Variants in MEGF6 observed in about 807,000 individuals in gnomAD.
MEGF6 encodes multiple EGF like domains 6.
Under a neutral mutation model 207.1 loss-of-function variants are expected in MEGF6, and 184 were observed. The ratio of observed to expected loss-of-function variants is 0.89; its 90% CI spans 0.79 to 1.00. MEGF6 has a LOEUF of 1.00. Ranked by LOEUF, MEGF6 falls within the 50% of genes least tolerant of loss-of-function variation. MEGF6 has a pLI of 0.00. For synonymous variants in MEGF6, 1,038 were observed against 910.0 expected (o/e 1.14, Z -2.53); for missense variants, 2,282 against 2,202.9 (o/e 1.04, Z -0.72).
chr1:3,501,312 G>T lies in MEGF6; in HGVS notation c.2315-4C>A, dbSNP rs774317838. The T allele has an allele frequency of 6.9e-6, 11 of 1,594,324 alleles. No homozygotes were observed. The highest frequency in any genetic ancestry group is 3.4e-5 in the Admixed American group (2 of 57,972). On this transcript the variant is annotated splice_region_variant and splice_polypyrimidine_tract_variant and intron_variant, in intron 18 of 36. Transcript: ENST00000356575. ...CCCCAGCGGCCCTCGGGACAATCTA[G>T]TGCCCACCCCCATGGCCAGTCAGTG... is the stretch of plus-strand genomic sequence containing the variant.
chr1:3,499,278 G>A lies in MEGF6; in HGVS notation c.2966-12C>T. The A allele has an allele frequency of 6.2e-7, 1 of 1,600,290 alleles. No homozygotes were observed. Among genetic ancestry groups the A allele is most frequent in the Middle Eastern group, 2.0e-4 (1 of 5,006 alleles). On this transcript the variant is annotated splice_polypyrimidine_tract_variant and intron_variant, in intron 23 of 36. Coordinates refer to ENST00000356575, the MANE Select transcript of MEGF6 (RefSeq NM_001409.4). ...GTGGGCTGGGCAGGCTGCAGGTGGA[G>A]AGGGCTGGTCAGAGCCAGGGGTGGG...
chr1:3,530,763 A>G (rs1246954345), intron 4 of MEGF6, among the ~76,000 whole-genome samples: 3 of 152,238 alleles, frequency 2.0e-5, no homozygotes, highest in Non-Finnish European at 4.4e-5. Context: ...TGACCCGCAG[A>G]GTCGCCAGTG....
chr1:3,547,825 T>TC (rs940040935), intron 4 of MEGF6, among the ~76,000 whole-genome samples: 3 of 151,972 alleles, frequency 2.0e-5, no homozygotes, highest in African/African-American at 7.3e-5. Flanking sequence ...CAGCAGGACT[T>TC]CCCCCGGGAC....
intron 4 of MEGF6, among the ~76,000 whole-genome samples, chr1:3,541,238 G>A (rs1006384049): frequency 6.6e-6 from 1 of 152,232 alleles, no homozygotes; most frequent in Non-Finnish European, 1.5e-5. Flanking sequence ...ACAGAGCGGG[G>A]CTGCCGCCCA....
In MEGF6 at chr1:3,556,820, T is replaced by C. The variant is rs1643046274; in HGVS notation, c.481+23005A>G. ...CCACACGCGCTCACAGACCGGAGAATGTTAAAAACTGCCGAGCCTGCCGGG... is the reference window on the plus strand; with the variant it reads ...CCACACGCGCTCACAGACCGGAGAACGTTAAAAACTGCCGAGCCTGCCGGG... On this transcript the variant is annotated intron_variant, in intron 4 of 36. Coordinates refer to ENST00000356575, the MANE Select transcript of MEGF6 (RefSeq NM_001409.4). The surrounding 1 kb of genome is among the most constrained non-coding windows in gnomAD (Gnocchi z 4.4). 6.6e-6 allele frequency among the ~76,000 whole-genome samples: 1 copy of C among 152,124 alleles called. No homozygotes were observed. The highest frequency in any genetic ancestry group is 2.1e-4 in the South Asian group (1 of 4,824).
intron 4 of MEGF6, among the ~76,000 whole-genome samples, chr1:3,543,351 C>T (rs573657432): frequency 1.2e-4 from 19 of 152,362 alleles, no homozygotes; most frequent in South Asian, 4.1e-4. Context: ...CTCTGAGCAG[C>T]CCGAACCCTG....
rs112803145 is a variant in MEGF6 at position 3,508,589 on chromosome 1, G to A, written c.1629C>T (p.Pro543=). ...TGCAGATGAGCCCAGTCCAGCCCTC[G>A]GGGCAATCACAGCCATCCAGGCCCA... is the stretch of plus-strand genomic sequence containing the variant. ...CLLGLDGCDC[P]EGWTGLICNE... Residue 543 remains proline, a synonymous_variant, in exon 13 of 37, where the codon CCC becomes CCT. Coordinates refer to ENST00000356575, the MANE Select transcript of MEGF6 (RefSeq NM_001409.4). 28 of 1,613,416 alleles carry A rather than the reference G, an allele frequency of 1.7e-5. 1 individual carries two copies. Among genetic ancestry groups the A allele is most frequent in the African/African-American group, 9.3e-5 (7 of 75,034 alleles).
rs984856959 is a variant in MEGF6, at chr1:3,560,864, C to T, written c.481+18961G>A. The T allele has an allele frequency of 8.9e-6, 4 of 448,154 alleles. No homozygotes were observed. The highest frequency in any genetic ancestry group is 8.3e-5 in the African/African-American group (4 of 48,324). The allele number at this position is 448,154 out of a possible 1,614,324, so 27.8% of individuals were successfully genotyped here. On this transcript the variant is annotated intron_variant, in intron 4 of 36. Coordinates refer to ENST00000356575, the MANE Select transcript of MEGF6 (RefSeq NM_001409.4). The surrounding 1 kb of genome is among the most constrained non-coding windows in gnomAD (Gnocchi z 4.0). Reference sequence around the variant, plus strand: ...AGGGGGTTGCTGGGCTGGCTGGTCCCCCAGGTCTCTACGCGAAGGGGGTGC... The same window carrying T: ...AGGGGGTTGCTGGGCTGGCTGGTCCTCCAGGTCTCTACGCGAAGGGGGTGC...
intron 2 of MEGF6, among the ~76,000 whole-genome samples, chr1:3,598,573 T>G (rs530469828): frequency 8.1e-4 from 123 of 151,640 alleles, no homozygotes; most frequent in African/African-American, 2.8e-3. Context: ...ACCCCCTCCA[T>G]CCCCCCAAAA....
At chr1:3,554,256 C>G (rs969823311) in intron 4 of MEGF6, among the ~76,000 whole-genome samples, 22 of 152,184 alleles carry the variant, frequency 1.4e-4, no homozygotes, top group African/African-American at 5.3e-4. Context: ...GGTTCCAACA[C>G]TGGGCTGGGA....
At chr1:3,527,220 A>C (rs1007489174) in intron 4 of MEGF6, among the ~76,000 whole-genome samples, 1 of 152,226 alleles carries the variant, frequency 6.6e-6, no homozygotes, top group Non-Finnish European at 1.5e-5. Flanking sequence ...TGACAGGTGC[A>C]AGCGGCCAGC....
intron 36 of MEGF6, 43 bp from the exon 37 acceptor site, chr1:3,490,632 G>A (rs937913408): frequency 2.5e-6 from 4 of 1,601,902 alleles, no homozygotes; most frequent in Admixed American, 3.4e-5. Context: ...GGTGGGGCGG[G>A]TGCTCCCAGA....
intron 7 of MEGF6, among the ~76,000 whole-genome samples, chr1:3,514,210 T>G (rs945760831): frequency 6.7e-6 from 1 of 150,002 alleles, no homozygotes; most frequent in Non-Finnish European, 1.5e-5. Context: ...ATCACGCCAC[T>G]GCACTCCAGC....
At chr1:3,621,146 A>G in the MEGF6 span, among the ~76,000 whole-genome samples, 826 of 152,294 alleles carry the variant, frequency 5.4e-3, 5 homozygotes, top group African/African-American at 0.019. Context: ...AAGCCTGACT[A>G]ATGTCAGGCC....
rs761651185 is a variant in MEGF6, at chr1:3,565,771, G to C, written c.481+14054C>G. Among the ~76,000 whole-genome samples, 1 of 152,172 alleles carries C rather than the reference G, an allele frequency of 6.6e-6. No individual in the cohort carries two copies. The highest frequency in any genetic ancestry group is 6.5e-5 in the Admixed American group (1 of 15,292). On this transcript the variant is annotated intron_variant, in intron 4 of 36. Coordinates refer to ENST00000356575, the MANE Select transcript of MEGF6 (RefSeq NM_001409.4). This position sits in a 1 kb window ranked among gnomAD's most constrained non-coding sequence, Gnocchi z 4.8. ...GGGACCCCCAAGTGGAGGTGGCCAC[G>C]TCACCAAGAACAGAAGTGCGTGTGG...
In MEGF6 at chr1:3,494,435, C is replaced by G. The variant is rs779389173; in HGVS notation, c.4065G>C (p.Thr1355=). 3 of 1,561,430 alleles carry G rather than the reference C, an allele frequency of 1.9e-6. No individual in the cohort carries two copies. The African/African-American group carries it at 4.1e-5, about 21-fold the overall frequency. The part of the protein sequence containing the change: ...HLECSCHNNS[T]CEPATGTCRC... ...GGCAGGTGCCCGTGGCAGGCTCACA[C>G]GTGCTGTTGTTGTGGCAGGAGCACT... is the stretch of plus-strand genomic sequence containing the variant. The change falls in exon 32 of 37, where the codon ACG becomes ACC. Residue 1355 remains threonine, a synonymous_variant. Transcript: ENST00000356575.
At position 3,497,024 on chromosome 1, in the gene MEGF6, A is replaced by G; in HGVS notation, c.3577T>C (p.Cys1193Arg). Residue 1193 changes from cysteine to arginine, a missense_variant, in exon 28 of 37, where the codon TGT becomes CGT. By Grantham distance (180) the Cys-to-Arg change is radical. Transcript: ENST00000356575. Reference protein sequence around the residue: ...ACHPATGTCSCAAGYHGPSCQ... With the variant: ...ACHPATGTCSRAAGYHGPSCQ... ...CTGGGGCCGTGGTAGCCAGCAGCAC[A>G]TGAGCAGGTCCCGGTGGCAGGGTGG... 1 of 1,552,264 alleles carries G rather than the reference A, an allele frequency of 6.4e-7. No homozygotes were observed. The highest frequency in any genetic ancestry group is 8.7e-7 in the Non-Finnish European group (1 of 1,148,326).
Position 3,497,266 on chromosome 1 carries a change from G to T in MEGF6, c.3448C>A (p.Pro1150Thr). The T allele has an allele frequency of 4.5e-6, 7 of 1,546,432 alleles. No individual in the cohort carries two copies. Among genetic ancestry groups the T allele is most frequent in the Non-Finnish European group, 6.1e-6 (7 of 1,148,584 alleles). ...CHHVTGACRCPPGFTGSGCEQ... is the reference protein window; with the variant it reads ...CHHVTGACRCTPGFTGSGCEQ... Reference sequence around the variant, plus strand: ...CAGCCGGAGCCAGTGAAGCCAGGGGGACAGCGGCAGGCCCCAGTGACGTGG... The same window carrying T: ...CAGCCGGAGCCAGTGAAGCCAGGGGTACAGCGGCAGGCCCCAGTGACGTGG... The change falls in exon 27 of 37, where the codon CCC becomes ACC. Residue 1150 changes from proline to threonine, a missense_variant. Physicochemically the swap from Pro to Thr is conservative, Grantham distance 38. Transcript: ENST00000356575.
chr1:3,511,232 G>A (rs1373643665), intron 9 of MEGF6, among the ~76,000 whole-genome samples: 2 of 152,246 alleles, frequency 1.3e-5, no homozygotes, highest in African/African-American at 2.4e-5. Flanking sequence ...GGGAGTCAGG[G>A]TCTGGGGTGT....
Sources: gnomAD v4.1 joint callset for allele counts (sites outside exome capture counted in the v4.1 genomes callset) on GRCh38, gnomAD v4.1.1 for gene constraint, Gnocchi (gnomAD v3.1) non-coding constraint, MANE v1.5 for transcripts, NCBI Gene and HGNC (gene_info 2026-07-23, HGNC 2026-07-21) for gene names.